The following IGF2 variants were observed in gnomAD, a reference collection of about 807,000 sequenced individuals.
IGF2 encodes the protein insulin-like growth factor 2.
A neutral mutation model predicts 12.0 loss-of-function variants in IGF2; 2 were observed. That is an observed-to-expected ratio of 0.17 (90% CI 0.07 to 0.52). IGF2 has a LOEUF of 0.52. Among genes scored for constraint, IGF2 ranks in the 20% least tolerant of loss-of-function variants. IGF2 has a pLI of 0.95. For missense variants in IGF2, 211 were observed against 268.0 expected, an observed-to-expected ratio of 0.79 and a Z score of 1.48; for synonymous variants, 105 against 110.1, an observed-to-expected ratio of 0.95 and a Z score of 0.29.
chr11:2,144,246 G>T (rs148749891), upstream of IGF2, among the ~76,000 whole-genome samples: 1 of 152,260 alleles, frequency 6.6e-6, no homozygotes, highest in African/African-American at 2.4e-5. Flanking sequence ...ATACCTGCTC[G>T]GTCCCCGCGT....
upstream of IGF2, among the ~76,000 whole-genome samples, chr11:2,143,993 G>A (rs1160688324): frequency 1.3e-5 from 2 of 152,206 alleles, no homozygotes; most frequent in Non-Finnish European, 2.9e-5. Flanking sequence ...ACCCGAGCGC[G>A]GGCGGCGCGG....
upstream of IGF2, among the ~76,000 whole-genome samples, chr11:2,143,455 G>C (rs1035871772): frequency 6.6e-6 from 1 of 152,188 alleles, no homozygotes; most frequent in African/African-American, 2.4e-5. Context: ...AGTTCCACTT[G>C]TTTTGGAAAC....
At chr11:2,144,414 G>A (rs972027189), upstream of IGF2, among the ~76,000 whole-genome samples, 1 of 152,232 alleles carries the variant, frequency 6.6e-6, no homozygotes, top group Non-Finnish European at 1.5e-5. Flanking sequence ...GCCTGCCCCG[G>A]AGCTTTGCGC....
the IGF2 span, chr11:2,149,163 G>A: frequency 6.2e-7 from 1 of 1,613,540 alleles, no homozygotes; most frequent in East Asian, 2.2e-5. Context: ...GCAGCTCCTG[G>A]ACAGTGGATA....
At chr11:2,147,586 G>C in the IGF2 span, 1 of 1,228,606 alleles carries the variant, frequency 8.1e-7, no homozygotes, top group Non-Finnish European at 1.0e-6. This position sits in a 1 kb window ranked among gnomAD's most constrained non-coding sequence, Gnocchi z 7.2. Flanking sequence ...CGCAGTTGGG[G>C]CTGAGGCTGG....
At chr11:2,149,516 G>C in the IGF2 span, 1 of 667,062 alleles carries the variant, frequency 1.5e-6, no homozygotes. Context: ...TCCGAATTTG[G>C]GGAGCTTTGT....
At position 2,132,984 on chromosome 11, in the gene IGF2, T is replaced by C; in HGVS notation, c.*3A>G. ...CCGGGCTGCAGACTTGCGGCAGTTT[T>C]GCTCACTTCCGATTGCTGGCCATCT... On this transcript the variant is annotated 3_prime_UTR_variant, in exon 4 of 4. Transcript: ENST00000416167. 5 of 1,503,574 alleles carry C rather than the reference T, an allele frequency of 3.3e-6. No homozygotes were observed. Among genetic ancestry groups the C allele is most frequent in the Non-Finnish European group, 4.4e-6 (5 of 1,124,368 alleles). The allele number at this position is 1,503,574 out of a possible 1,614,324, so 93.1% of individuals were successfully genotyped here. A position where few individuals can be genotyped will look rare whatever the true frequency, so the allele number is the denominator to read the frequency against.
chr11:2,133,452 C>A lies in IGF2; in HGVS notation c.306+65G>T. On this transcript the variant is annotated intron_variant, in intron 3 of 3. Transcript: ENST00000416167. This position sits in a 1 kb window ranked among gnomAD's most constrained non-coding sequence, Gnocchi z 8.9. ...AAGAGGTCCCAGAGGCCACAGGAAA[C>A]GCTGGGCGCCCGAAGCCCTATTTCT... 6.6e-7 allele frequency: 1 copy of A among 1,513,338 alleles called. No homozygotes were observed. The highest frequency in any genetic ancestry group is 1.4e-5 in the African/African-American group (1 of 71,644). 93.7% of individuals were successfully genotyped at this position (1,513,338 alleles called of 1,614,324 possible). A position where few individuals can be genotyped will look rare whatever the true frequency, so the allele number is the denominator to read the frequency against.
rs555735434 is a variant in IGF2 at position 2,135,615 on chromosome 11, C to T, written c.-6-86G>A. The T allele has an allele frequency of 1.7e-4, 205 of 1,203,570 alleles. 2 individuals carry two copies. The South Asian group carries it at 2.8e-3, about 17-fold the overall frequency. 74.6% of individuals were successfully genotyped at this position (1,203,570 alleles called of 1,614,324 possible). On this transcript the variant is annotated intron_variant, in intron 1 of 3. Transcript: ENST00000416167. ...GCCCCTCCCAAACCAAATTTGCCAA[C>T]CTACAAATTCAGTTGAAAATTGAAA...
In IGF2 at chr11:2,132,179, G is replaced by A. The variant is rs1384192700; in HGVS notation, c.*808C>T. The A allele has an allele frequency of 2.9e-5, 6 of 206,780 alleles. No homozygotes were observed. The highest frequency in any genetic ancestry group is 4.6e-5 in the African/African-American group (2 of 43,512). The allele number at this position is 206,780 out of a possible 1,614,324, so 12.8% of individuals were successfully genotyped here. ...GATGTAAGATTTGGGGGTGAGGGTC[G>A]TGCCAATTACATTTCATTTGCATGG... On this transcript the variant is annotated 3_prime_UTR_variant, in exon 4 of 4. Coordinates refer to ENST00000416167, the MANE Select transcript of IGF2 (RefSeq NM_000612.6).
rs376418013 is a variant in IGF2, at chr11:2,132,025, C to CTGTGCGTTTG, written c.*961_*962insCAAACGCACA. The stretch of plus-strand genomic sequence containing the variant: ...TGTGTGCTGTGTGCTCATCTGTGTG[C>CTGTGCGTTTG]TGTGTGTGCTGTGCGTTTGTGTGTG... On this transcript the variant is annotated 3_prime_UTR_variant, in exon 4 of 4. Transcript: ENST00000416167. 1.3e-4 allele frequency: 4 copies of CTGTGCGTTTG among 30,588 alleles called. No individual in the cohort carries two copies. The highest frequency in any genetic ancestry group is 8.6e-4 in the Admixed American group (2 of 2,324). The allele number at this position is 30,588 out of a possible 1,614,324, so 1.9% of individuals were successfully genotyped here. A position where few individuals can be genotyped will look rare whatever the true frequency, so the allele number is the denominator to read the frequency against.
upstream of IGF2, chr11:2,140,208 G>A: frequency 1.2e-6 from 2 of 1,613,390 alleles, no homozygotes; most frequent in Non-Finnish European, 1.7e-6. Context: ...CTGGATAATG[G>A]TTACCCCGTC....
chr11:2,148,491 G>A, the IGF2 span: 1 of 153,500 alleles, frequency 6.5e-6, no homozygotes, highest in African/African-American at 2.4e-5. The surrounding 1 kb of genome is among the most constrained non-coding windows in gnomAD (Gnocchi z 4.3). Flanking sequence ...CCATCAGGAG[G>A]AGAGAAGCTA....
the IGF2 span, chr11:2,149,513 T>C: frequency 1.5e-6 from 1 of 666,586 alleles, no homozygotes; most frequent in Non-Finnish European, 2.5e-6. Flanking sequence ...CCCTCCGAAT[T>C]TGGGGAGCTT....
Position 2,133,256 on chromosome 11 carries a change from T to C in IGF2, c.307-33A>G, listed in dbSNP as rs1369314152. On this transcript the variant is annotated intron_variant, in intron 3 of 3. Transcript: ENST00000416167. This position sits in a 1 kb window ranked among gnomAD's most constrained non-coding sequence, Gnocchi z 8.9. ...GGGAAGGGGCTGGTCAGCAGGTGCCTGCTCTCCACGCTCTTCCGCCTGAGC... is the reference window on the plus strand; with the variant it reads ...GGGAAGGGGCTGGTCAGCAGGTGCCCGCTCTCCACGCTCTTCCGCCTGAGC... 1.4e-6 allele frequency: 2 copies of C among 1,411,350 alleles called. No homozygotes were observed. Among genetic ancestry groups the C allele is most frequent in the Non-Finnish European group, 1.9e-6 (2 of 1,037,448 alleles). 87.4% of individuals were successfully genotyped at this position (1,411,350 alleles called of 1,614,324 possible).
chr11:2,148,205 C>G, the IGF2 span: 8,531 of 173,718 alleles, frequency 0.049, 773 homozygotes, highest in African/African-American at 0.19. The surrounding 1 kb of genome is among the most constrained non-coding windows in gnomAD (Gnocchi z 4.3). Flanking sequence ...CCAAACACCC[C>G]CACCTTGGAA....
At chr11:2,148,852 A>T in the IGF2 span, 1 of 496,138 alleles carries the variant, frequency 2.0e-6, no homozygotes, top group Non-Finnish European at 3.6e-6. This position sits in a 1 kb window ranked among gnomAD's most constrained non-coding sequence, Gnocchi z 4.3. Flanking sequence ...TGCTTGGTGA[A>T]TTAGTCAAGG....
chr11:2,138,632 A>G lies in IGF2; in HGVS notation c.-410T>C. ...GCGGGCAGGCGCACAGCGGGAGAGA[A>G]CAGCACGGAGAGAAACAGAAAGCGT... On this transcript the variant is annotated 5_prime_UTR_variant, in exon 1 of 4. Coordinates refer to ENST00000416167, the MANE Select transcript of IGF2 (RefSeq NM_000612.6). 1.0e-6 allele frequency: 1 copy of G among 976,010 alleles called. No homozygotes were observed. The allele number at this position is 976,010 out of a possible 1,614,324, so 60.5% of individuals were successfully genotyped here. A position where few individuals can be genotyped will look rare whatever the true frequency, so the allele number is the denominator to read the frequency against.
At chr11:2,146,124 C>T, upstream of IGF2, 1 of 454,864 alleles carries the variant, frequency 2.2e-6, no homozygotes, top group Non-Finnish European at 4.4e-6. Context: ...AACATCCCCT[C>T]AAGGACTCAG....
Sources: allele counts gnomAD v4.1 joint callset (sites outside exome capture counted in the v4.1 genomes callset), GRCh38; gene constraint gnomAD v4.1.1; non-coding constraint Gnocchi (gnomAD v3.1); transcripts MANE v1.5; gene names NCBI Gene and HGNC (gene_info 2026-07-23, HGNC 2026-07-21).